Variants in PPFIA2 observed in about 807,000 individuals in gnomAD.
The protein encoded by PPFIA2 is PPFI scaffold protein A2.
A neutral mutation model predicts 175.5 loss-of-function variants in PPFIA2; 46 were observed. The ratio of observed to expected loss-of-function variants is 0.26; its 90% confidence interval spans 0.21 to 0.34. PPFIA2 has a LOEUF of 0.34. Ranked by LOEUF, PPFIA2 falls within the 10% of genes least tolerant of loss-of-function variation. The pLI is 1.00. For missense variants in PPFIA2, 1,179 were observed against 1,506.1 expected, an observed-to-expected ratio of 0.78 and a Z score of 3.60; for synonymous variants, 568 against 511.4, an observed-to-expected ratio of 1.11 and a Z score of -1.49.
intron 4 of PPFIA2, among the ~76,000 whole-genome samples, chr12:81,642,764 A>ACG (rs1457405412): frequency 8.5e-5 from 1 of 11,736 alleles, no homozygotes; most frequent in African/African-American, 2.1e-4. Flanking sequence ...ACATACATGT[A>ACG]TATGTATGTA....
chr12:81,575,255 A>G (rs189818692), intron 4 of PPFIA2, among the ~76,000 whole-genome samples: 1 of 151,956 alleles, frequency 6.6e-6, no homozygotes, highest in East Asian at 1.9e-4. Context: ...ATATCTGGAA[A>G]CTATAGATGG....
chr12:81,606,508 G>A (rs2060333756), intron 4 of PPFIA2, among the ~76,000 whole-genome samples: 1 of 151,814 alleles, frequency 6.6e-6, no homozygotes, highest in Non-Finnish European at 1.5e-5. Flanking sequence ...TAGTAATAGC[G>A]ATTTTGCCTG....
chr12:81,744,948 G>A (rs2082846312), intron 3 of PPFIA2, among the ~76,000 whole-genome samples: 2 of 152,072 alleles, frequency 1.3e-5, no homozygotes, highest in Non-Finnish European at 2.9e-5. Flanking sequence ...TGCAAAATGG[G>A]AATAGTAATA....
chr12:81,587,483 G>A (rs2075452481), intron 4 of PPFIA2, among the ~76,000 whole-genome samples: 1 of 151,904 alleles, frequency 6.6e-6, no homozygotes, highest in African/African-American at 2.4e-5. Flanking sequence ...GTCTTGGGTA[G>A]TATTCTTTAT....
chr12:81,517,315 C>T (rs75285810), intron 4 of PPFIA2, among the ~76,000 whole-genome samples: 2,130 of 152,210 alleles, frequency 0.014, 46 homozygotes, highest in African/African-American at 0.049. Context: ...GAATTACTGT[C>T]TCTTCCAAAG....
At chr12:81,650,516 G>C (rs75444343) in intron 4 of PPFIA2, among the ~76,000 whole-genome samples, 1 of 152,146 alleles carries the variant, frequency 6.6e-6, no homozygotes, top group East Asian at 1.9e-4. Context: ...ACCATGTATA[G>C]ACTTATATCC....
chr12:81,481,110 G>A (rs182041354), intron 4 of PPFIA2, among the ~76,000 whole-genome samples: 2 of 152,120 alleles, frequency 1.3e-5, no homozygotes, highest in East Asian at 3.9e-4. Flanking sequence ...GAGAAACAGA[G>A]AGCCAAATCA....
At chr12:81,611,005 G>A (rs1273729261) in intron 4 of PPFIA2, among the ~76,000 whole-genome samples, 3 of 152,158 alleles carry the variant, frequency 2.0e-5, no homozygotes, top group Admixed American at 6.5e-5. Flanking sequence ...TGTTGATGCT[G>A]TAGTTTGGAC....
At chr12:81,474,109 C>T (rs1159719562) in intron 4 of PPFIA2, among the ~76,000 whole-genome samples, 1 of 152,032 alleles carries the variant, frequency 6.6e-6, no homozygotes, top group East Asian at 1.9e-4. Context: ...AAAATATTCT[C>T]AACATTTCCT....
At position 81,491,346 on chromosome 12, in the gene PPFIA2, C is replaced by T. The variant is rs141055718; in HGVS notation, c.304-33480G>A. On this transcript the variant is annotated intron_variant, in intron 4 of 32. Transcript: ENST00000549396. ...AAATCCTTGTTTGGACATTTTATTT[C>T]CTCATCTCCATTTATTTCCTCATTC... is the stretch of plus-strand genomic sequence containing the variant. Among the ~76,000 whole-genome samples, 72 of 151,848 alleles carry T rather than the reference C, an allele frequency of 4.7e-4. 1 individual carries two copies. The East Asian group carries it at 0.013, about 27-fold the overall frequency.
At chr12:81,513,702 A>T in intron 4 of PPFIA2, among the ~76,000 whole-genome samples, 1 of 152,026 alleles carries the variant, frequency 6.6e-6, no homozygotes, top group East Asian at 1.9e-4. Context: ...GATTTTATGT[A>T]GTTTTAAAAA....
Position 81,277,359 on chromosome 12 carries a change from C to T in PPFIA2, c.3268G>A (p.Glu1090Lys). 6.4e-7 allele frequency: 1 copy of T among 1,570,064 alleles called. No individual in the cohort carries two copies. The highest frequency in any genetic ancestry group is 1.2e-5 in the South Asian group (1 of 85,712). The stretch of plus-strand genomic sequence containing the variant: ...CTTGCTTCCCGTCTTCTTTCTAGTT[C>T]TTTTCTGTCATAATTCAACCTCTTT... ...CLKRLNYDRKELERRREASQH... is the reference protein window; with the variant it reads ...CLKRLNYDRKKLERRREASQH... The change falls in exon 28 of 33, where the codon GAA becomes AAA. Residue 1090 changes from glutamate (E) to lysine (K), a missense_variant. Glu to Lys is a moderately conservative substitution (Grantham distance 56). Transcript: ENST00000549396.
At chr12:81,344,889 AG>A (rs1051211904) in intron 18 of PPFIA2, 196 bp from the exon 19 acceptor site, 4 of 482,838 alleles carry the variant, frequency 8.3e-6, no homozygotes, top group Non-Finnish European at 1.5e-5. Context: ...GGAACTTCTC[AG>A]GTAACATAAG....
At chr12:81,366,679 A>G (rs1215993361) in intron 14 of PPFIA2, among the ~76,000 whole-genome samples, 1 of 151,788 alleles carries the variant, frequency 6.6e-6, no homozygotes, top group Non-Finnish European at 1.5e-5. Context: ...TTATGTTTGG[A>G]CATATATAAC....
chr12:81,690,353 C>T (rs2075078270), intron 3 of PPFIA2, among the ~76,000 whole-genome samples: 2 of 152,110 alleles, frequency 1.3e-5, no homozygotes, highest in South Asian at 4.1e-4. Flanking sequence ...AATTGATAAA[C>T]ATTGTCTCTT....
intron 30 of PPFIA2, among the ~76,000 whole-genome samples, chr12:81,264,968 C>G (rs2036763119): frequency 6.6e-6 from 1 of 150,576 alleles, no homozygotes; most frequent in Non-Finnish European, 1.5e-5. Context: ...CTACACAACT[C>G]CTTACAGTGT....
At chr12:81,494,458 G>T (rs2059793676) in intron 4 of PPFIA2, among the ~76,000 whole-genome samples, 1 of 152,258 alleles carries the variant, frequency 6.6e-6, no homozygotes, top group South Asian at 2.1e-4. Context: ...GTGCTGGTGA[G>T]GAAGTGGAGA....
chr12:81,437,021 A>G (rs1177057758), intron 7 of PPFIA2, among the ~76,000 whole-genome samples: 1 of 152,222 alleles, frequency 6.6e-6, no homozygotes, highest in African/African-American at 2.4e-5. Flanking sequence ...GTAGATACAC[A>G]GGAGTGCTAA....
intron 4 of PPFIA2, among the ~76,000 whole-genome samples, chr12:81,502,508 G>C (rs1407608149): frequency 6.6e-6 from 1 of 152,088 alleles, no homozygotes; most frequent in Non-Finnish European, 1.5e-5. Context: ...TTTTTGACAA[G>C]TTCATCCAAA....
Sources: allele counts gnomAD v4.1 joint callset (sites outside exome capture counted in the v4.1 genomes callset), GRCh38; gene constraint gnomAD v4.1.1; transcripts MANE v1.5; gene names NCBI Gene and HGNC (gene_info 2026-07-23, HGNC 2026-07-21).